The following LIPI variants were observed in gnomAD, a reference collection of about 807,000 sequenced individuals.
The protein encoded by LIPI is lipase member I.
A neutral mutation model predicts 50.6 loss-of-function variants in LIPI; 59 were observed. The ratio of observed to expected loss-of-function variants is 1.16; its 90% CI spans 0.94 to 1.45. LIPI has a LOEUF of 1.45. Ranked by LOEUF, LIPI falls within the 40% of genes most tolerant of loss-of-function variation. The pLI is 0.00. For synonymous variants in LIPI, 203 were observed against 178.2 expected (o/e 1.14, Z -1.11); for missense variants, 586 against 536.3 (o/e 1.09, Z -0.92).
At chr21:14,165,088 C>T (rs958822287) in intron 6 of LIPI, 135 bp downstream of exon 6, 66 of 675,246 alleles carry the variant, frequency 9.8e-5, no homozygotes, top group Non-Finnish European at 1.5e-4. Context: ...CACATCTCTA[C>T]AGATGATTTT....
chr21:14,207,594 TA>T (rs202078003), intron 1 of LIPI, among the ~76,000 whole-genome samples: 17 of 151,260 alleles, frequency 1.1e-4, no homozygotes, highest in African/African-American at 2.7e-4. Context: ...AAAATGGATG[TA>T]AAAAAAAATG....
At chr21:14,183,661 T>C (rs8128327) in intron 3 of LIPI, among the ~76,000 whole-genome samples, 84,133 of 151,818 alleles carry the variant, frequency 0.55, 23,716 homozygotes, top group African/African-American at 0.61. Context: ...AAAAAGTGGG[T>C]GAAGGATATG....
At chr21:14,171,403 G>A (rs1202508918) in intron 4 of LIPI, among the ~76,000 whole-genome samples, 269 of 150,608 alleles carry the variant, frequency 1.8e-3, no homozygotes, top group African/African-American at 5.7e-3. Flanking sequence ...AGCCCGCATC[G>A]CCAAGTCAAT....
intron 9 of LIPI, among the ~76,000 whole-genome samples, chr21:14,129,897 A>C (rs963315360): frequency 2.0e-5 from 3 of 151,782 alleles, no homozygotes; most frequent in African/African-American, 7.3e-5. Flanking sequence ...AGAAAAACAT[A>C]CATATGGTAC....
At chr21:14,121,515 C>T (rs2016860146) in intron 9 of LIPI, among the ~76,000 whole-genome samples, 1 of 152,150 alleles carries the variant, frequency 6.6e-6, no homozygotes, top group Non-Finnish European at 1.5e-5. Context: ...AAGACAAATG[C>T]AGGCATTAGG....
chr21:14,140,947 T>G (rs1303531454), intron 9 of LIPI, among the ~76,000 whole-genome samples: 1 of 152,170 alleles, frequency 6.6e-6, no homozygotes. Flanking sequence ...GTTAATCTTG[T>G]AGGTGCATTT....
intron 7 of LIPI, among the ~76,000 whole-genome samples, chr21:14,155,375 TAG>T (rs1491264604): frequency 6.6e-6 from 1 of 151,922 alleles, no homozygotes; most frequent in Admixed American, 6.6e-5. Flanking sequence ...TTTCTGCTAT[TAG>T]AGTGTCAGAA....
intron 9 of LIPI, among the ~76,000 whole-genome samples, chr21:14,114,038 C>T (rs754714748): frequency 2.6e-5 from 4 of 151,986 alleles, no homozygotes; most frequent in African/African-American, 7.2e-5. Context: ...ATTAGCCAGG[C>T]GTGGTGGCAT....
intron 7 of LIPI, among the ~76,000 whole-genome samples, chr21:14,159,480 G>A (rs1009495120): frequency 6.6e-6 from 1 of 151,144 alleles, no homozygotes; most frequent in African/African-American, 2.4e-5. Flanking sequence ...TGGCAAGTTA[G>A]GAATAGAGGG....
chr21:14,136,447 A>C (rs1374015625), intron 9 of LIPI, among the ~76,000 whole-genome samples: 1 of 152,164 alleles, frequency 6.6e-6, no homozygotes, highest in Non-Finnish European at 1.5e-5. Context: ...CTTCTGTCCA[A>C]GGGTGGTGGT....
intron 9 of LIPI, among the ~76,000 whole-genome samples, chr21:14,113,913 C>T (rs2016515062): frequency 6.6e-6 from 1 of 152,158 alleles, no homozygotes; most frequent in Non-Finnish European, 1.5e-5. Flanking sequence ...CTTGGCCGGG[C>T]TCAGTGGCTC....
chr21:14,161,761 CATTATTATATATTAAT>C (rs1490002611), intron 7 of LIPI, among the ~76,000 whole-genome samples: 18 of 56,242 alleles, frequency 3.2e-4, no homozygotes, highest in East Asian at 5.9e-4. Context: ...ATAATATATA[CATTATTATATATTAAT>C]ATATAATATA....
chr21:14,168,270 A>G lies in LIPI; in HGVS notation c.644-1819T>C, dbSNP rs143418260. Among the ~76,000 whole-genome samples the G allele has an allele frequency of 5.1e-3, 782 of 152,336 alleles. 4 individuals are homozygous for G. The highest frequency in any genetic ancestry group is 0.018 in the African/African-American group (742 of 41,568). ...ACCTGAAAGTGACAGGGAGAATGGAACCAAGTTGGAAAACACTCTGCAAGA... is the reference window on the plus strand; with the variant it reads ...ACCTGAAAGTGACAGGGAGAATGGAGCCAAGTTGGAAAACACTCTGCAAGA... On this transcript the variant is annotated intron_variant, in intron 4 of 9. Coordinates refer to ENST00000681601, the MANE Select transcript of LIPI (RefSeq NM_001302998.2).
intron 4 of LIPI, among the ~76,000 whole-genome samples, chr21:14,169,960 C>T (rs2018833188): frequency 6.6e-6 from 1 of 151,982 alleles, no homozygotes; most frequent in Admixed American, 6.6e-5. Context: ...AATTGATAGA[C>T]CGCTAGCAAG....
chr21:14,165,416 A>C (rs1426300413), intron 5 of LIPI, 26 bp from the exon 6 acceptor site: 1 of 1,547,328 alleles, frequency 6.5e-7, no homozygotes, highest in Non-Finnish European at 8.9e-7. Context: ...AAAAACAAAG[A>C]ACTGTAGATG....
At chr21:14,181,883 C>A (rs554808871) in intron 3 of LIPI, 24 bp from the exon 4 acceptor site, 1 of 1,331,714 alleles carries the variant, frequency 7.5e-7, no homozygotes, top group South Asian at 1.2e-5. Context: ...AAGAAATAAT[C>A]AGTCTCATCA....
chr21:14,144,007 TA>T, intron 9 of LIPI: 1 of 175,274 alleles, frequency 5.7e-6, no homozygotes. Context: ...CAGGTGACTA[TA>T]AAACTGCAAT....
chr21:14,210,794 T>C lies in LIPI; in HGVS notation c.46+6A>G, dbSNP rs1193097786. The C allele has an allele frequency of 8.7e-7, 1 of 1,146,504 alleles. No individual in the cohort carries two copies. The highest frequency in any genetic ancestry group is 1.1e-6 in the Non-Finnish European group (1 of 887,542). 71.0% of individuals were successfully genotyped at this position (1,146,504 alleles called of 1,614,324 possible). A position where few individuals can be genotyped will look rare whatever the true frequency, so the allele number is the denominator to read the frequency against. ...AGATAAATCAAATTATTAATTAATA[T>C]CTTACCAGATCTCACCCAGCACATC... On this transcript the variant is annotated splice_donor_region_variant and intron_variant, in intron 1 of 9. Coordinates refer to ENST00000681601, the MANE Select transcript of LIPI (RefSeq NM_001302998.2).
chr21:14,157,250 A>G (rs2018306990), intron 7 of LIPI, among the ~76,000 whole-genome samples: 1 of 151,946 alleles, frequency 6.6e-6, no homozygotes, highest in African/African-American at 2.4e-5. Flanking sequence ...TACCCATGTT[A>G]AGAAATTTAT....
Sources: gnomAD v4.1 joint callset for allele counts (sites outside exome capture counted in the v4.1 genomes callset) on GRCh38, gnomAD v4.1.1 for gene constraint, MANE v1.5 for transcripts, NCBI Gene and HGNC (gene_info 2026-07-23, HGNC 2026-07-21) for gene names.